Variants in SV2C observed in about 807,000 individuals in gnomAD.
The protein encoded by SV2C is synaptic vesicle glycoprotein 2C.
In SV2C, 49 loss-of-function variants were observed where a neutral mutation model predicts 79.7. The observed-to-expected ratio is 0.61, with a 90% CI of 0.49 to 0.78. The LOEUF (loss-of-function observed/expected upper bound fraction) is 0.78, where lower values mean the gene tolerates loss of function less well. SV2C is among the 30% of genes least tolerant of loss of function. The probability of loss-of-function intolerance (pLI) is 0.00; values close to 1 mark genes in which losing one functional copy is unlikely to be tolerated. For missense variants in SV2C, 833 were observed against 912.9 expected, an observed-to-expected ratio of 0.91 and a Z score of 1.13; for synonymous variants, 334 against 333.2, an observed-to-expected ratio of 1.00 and a Z score of -0.03.
chr5:76,024,398 C>T, the SV2C span, among the ~76,000 whole-genome samples: 12 of 152,224 alleles, frequency 7.9e-5, no homozygotes, highest in South Asian at 1.9e-3. Flanking sequence ...TTTTCCTGAC[C>T]GTTTGTGAAC....
chr5:75,894,068 A>G, the SV2C span, among the ~76,000 whole-genome samples: 2 of 152,076 alleles, frequency 1.3e-5, no homozygotes, highest in Non-Finnish European at 2.9e-5. Context: ...GTAGGTTTTT[A>G]AGCGAGGGAG....
the SV2C span, among the ~76,000 whole-genome samples, chr5:75,852,150 A>C: frequency 6.6e-6 from 1 of 152,012 alleles, no homozygotes; most frequent in Non-Finnish European, 1.5e-5. Flanking sequence ...AACATCACAC[A>C]CCAGGGCCTG....
At chr5:76,009,049 C>T in the SV2C span, among the ~76,000 whole-genome samples, 1 of 152,104 alleles carries the variant, frequency 6.6e-6, no homozygotes, top group Non-Finnish European at 1.5e-5. Context: ...TCAGTGAGGC[C>T]CACCATGTCC....
At chr5:76,211,537 A>AAAGTTTGC (rs1744769519) in intron 4 of SV2C, among the ~76,000 whole-genome samples, 1 of 152,076 alleles carries the variant, frequency 6.6e-6, no homozygotes, top group African/African-American at 2.4e-5. Context: ...CAAACAGGCT[A>AAAGTTTGC]AAGTTTGCAA....
At chr5:76,129,882 G>A (rs1470926826) in intron 1 of SV2C, among the ~76,000 whole-genome samples, 2 of 152,146 alleles carry the variant, frequency 1.3e-5, no homozygotes, top group African/African-American at 4.8e-5. Context: ...CTGATATGCA[G>A]TGTCTGATGT....
chr5:76,100,918 C>A (rs962737470), intron 1 of SV2C, among the ~76,000 whole-genome samples: 1 of 152,250 alleles, frequency 6.6e-6, no homozygotes, highest in Non-Finnish European at 1.5e-5. Flanking sequence ...TGCATTGTCA[C>A]AACCAAAAAT....
chr5:76,115,970 C>A (rs1205096513), intron 1 of SV2C, among the ~76,000 whole-genome samples: 3 of 152,238 alleles, frequency 2.0e-5, no homozygotes, highest in African/African-American at 7.2e-5. Flanking sequence ...CTCTGGGGAG[C>A]AGCATGGCCT....
the SV2C span, among the ~76,000 whole-genome samples, chr5:75,849,384 C>G: frequency 6.6e-6 from 1 of 152,108 alleles, no homozygotes; most frequent in Non-Finnish European, 1.5e-5. Context: ...AGAAAAGGAA[C>G]AGAAATCTAT....
intron 12 of SV2C, among the ~76,000 whole-genome samples, chr5:76,308,948 C>T (rs1295502571): frequency 6.6e-6 from 1 of 152,014 alleles, no homozygotes; most frequent in African/African-American, 2.4e-5. Context: ...TTCTCATAAG[C>T]ACAAGCAAAC....
chr5:75,955,209 G>A, the SV2C span, among the ~76,000 whole-genome samples: 1 of 151,490 alleles, frequency 6.6e-6, no homozygotes, highest in Non-Finnish European at 1.5e-5. Flanking sequence ...ATAGATCAAT[G>A]GAACAGAACA....
intron 2 of SV2C, among the ~76,000 whole-genome samples, chr5:76,159,916 A>G (rs1561242397): frequency 1.3e-5 from 2 of 152,142 alleles, no homozygotes; most frequent in Non-Finnish European, 2.9e-5. Context: ...TTAATTATGT[A>G]TCTATATACT....
chr5:76,024,784 A>G, the SV2C span, among the ~76,000 whole-genome samples: 3 of 152,090 alleles, frequency 2.0e-5, no homozygotes, highest in African/African-American at 7.2e-5. Flanking sequence ...CTTATGAGAA[A>G]AGTTGACCCT....
At chr5:76,056,707 G>T in the SV2C span, among the ~76,000 whole-genome samples, 5 of 149,258 alleles carry the variant, frequency 3.3e-5, no homozygotes, top group Admixed American at 2.0e-4. Flanking sequence ...TCTATTCAGG[G>T]ATTTGATTTC....
At chr5:76,030,620 G>C in the SV2C span, among the ~76,000 whole-genome samples, 1 of 152,136 alleles carries the variant, frequency 6.6e-6, no homozygotes, top group East Asian at 1.9e-4. Flanking sequence ...ACAATTGTAA[G>C]AAGCACCATC....
intron 1 of SV2C, among the ~76,000 whole-genome samples, chr5:76,093,407 G>A (rs2112102119): frequency 6.6e-6 from 1 of 152,274 alleles, no homozygotes; most frequent in East Asian, 1.9e-4. Flanking sequence ...AGAACTTCCA[G>A]TCCACAAGGT....
At chr5:76,220,827 G>C (rs115589232) in intron 4 of SV2C, among the ~76,000 whole-genome samples, 3 of 152,062 alleles carry the variant, frequency 2.0e-5, no homozygotes, top group Non-Finnish European at 2.9e-5. Flanking sequence ...TCCAACTGTA[G>C]GGTTGGAATT....
At chr5:76,203,337 G>A (rs1490157492) in intron 3 of SV2C, among the ~76,000 whole-genome samples, 1 of 152,042 alleles carries the variant, frequency 6.6e-6, no homozygotes, top group Non-Finnish European at 1.5e-5. Flanking sequence ...ATGGGTAAAT[G>A]AAGGGTGGGT....
At chr5:76,232,435 T>G (rs1745449264) in intron 4 of SV2C, among the ~76,000 whole-genome samples, 1 of 145,472 alleles carries the variant, frequency 6.9e-6, no homozygotes, top group African/African-American at 2.6e-5. Context: ...AGAAGCTCTT[T>G]AGTTTAATTA....
intron 1 of SV2C, among the ~76,000 whole-genome samples, chr5:76,128,089 G>A (rs969053291): frequency 6.6e-6 from 1 of 152,178 alleles, no homozygotes; most frequent in Non-Finnish European, 1.5e-5. Flanking sequence ...CTGGAAGGTG[G>A]TTATTATTAC....
Sources: allele counts gnomAD v4.1 joint callset (sites outside exome capture counted in the v4.1 genomes callset), GRCh38; gene constraint gnomAD v4.1.1; transcripts MANE v1.5; gene names NCBI Gene and HGNC (gene_info 2026-07-23, HGNC 2026-07-21).